PRELID2: variants seen among roughly 807,000 people sequenced by gnomAD.
PRELID2 encodes the protein PRELI domain containing 2.
In PRELID2, 25 loss-of-function variants were observed where a neutral mutation model predicts 28.4. The observed-to-expected ratio is 0.88, with a 90% CI of 0.64 to 1.23. The LOEUF is 1.23. Ranked by LOEUF, PRELID2 falls within the 50% of genes most tolerant of loss-of-function variation. PRELID2 has a pLI of 0.00. For synonymous variants in PRELID2, 76 were observed against 71.6 expected (o/e 1.06, Z -0.31); for missense variants, 201 against 214.4 (o/e 0.94, Z 0.39).
the PRELID2 span, among the ~76,000 whole-genome samples, chr5:145,284,403 C>T: frequency 2.0e-5 from 3 of 151,978 alleles, no homozygotes; most frequent in East Asian, 1.9e-4. Flanking sequence ...GATTTTTTGC[C>T]GTGACTCTTT....
the PRELID2 span, among the ~76,000 whole-genome samples, chr5:145,290,473 C>T: frequency 1.3e-5 from 2 of 151,894 alleles, no homozygotes; most frequent in Admixed American, 1.3e-4. Context: ...AGCTGGAAAC[C>T]ATTATTCTGA....
At position 145,559,848 on chromosome 5, in the gene PRELID2, AAAAG is replaced by A. The variant is rs746662151; in HGVS notation, n.71-86537_71-86534del. On this transcript the variant is annotated intron_variant and non_coding_transcript_variant, in intron 1 of 2. Transcript: ENST00000510259. ...TGGTAAAAAGAGGTAAAAAAAAAAA[AAAAG>A]AAGAAGAAGAAGAAGAAAAAGAATA... 3.5e-3 allele frequency among the ~76,000 whole-genome samples: 534 copies of A among 150,562 alleles called. 4 individuals carry two copies. The highest frequency in any genetic ancestry group is 0.012 in the African/African-American group (473 of 40,066).
At chr5:145,229,944 G>C in the PRELID2 span, 1 of 747,748 alleles carries the variant, frequency 1.3e-6, no homozygotes, top group Non-Finnish European at 2.5e-6. Context: ...GCTGATGAGC[G>C]TGAACGTGCA....
At chr5:145,445,963 C>G in the PRELID2 span, among the ~76,000 whole-genome samples, 12 of 151,786 alleles carry the variant, frequency 7.9e-5, no homozygotes, top group African/African-American at 2.4e-4. Context: ...ATAGAGGATA[C>G]TAGAAGCTGA....
intron 1 of PRELID2, among the ~76,000 whole-genome samples, chr5:145,701,530 C>T (rs1755406771): frequency 6.6e-6 from 1 of 152,176 alleles, no homozygotes; most frequent in Non-Finnish European, 1.5e-5. Flanking sequence ...TAATGACTAT[C>T]GACCAACAAA....
chr5:145,659,627 CCT>C (rs949053263), intron 1 of PRELID2, among the ~76,000 whole-genome samples: 8 of 152,174 alleles, frequency 5.3e-5, no homozygotes, highest in East Asian at 1.9e-4. Context: ...GCATGCCTTC[CCT>C]GTTTCCTTCT....
At chr5:145,642,313 C>T (rs745636954) in intron 1 of PRELID2, among the ~76,000 whole-genome samples, 2 of 152,096 alleles carry the variant, frequency 1.3e-5, no homozygotes, top group Non-Finnish European at 2.9e-5. Context: ...TAAATATCTT[C>T]TTTAGAGAAG....
At chr5:145,378,974 A>T in the PRELID2 span, among the ~76,000 whole-genome samples, 1 of 151,734 alleles carries the variant, frequency 6.6e-6, no homozygotes, top group Non-Finnish European at 1.5e-5. Flanking sequence ...TTTTTTTTCT[A>T]TTAGATGAAG....
rs139907916 is a variant in PRELID2 at position 145,833,030 on chromosome 5, C to T, written c.75+2147G>A. 7.4e-4 allele frequency among the ~76,000 whole-genome samples: 112 copies of T among 152,206 alleles called. 1 individual carries two copies. The East Asian group carries it at 9.9e-3, about 13-fold the overall frequency. ...TTTATGTTAATCTCCCCACTACACACCATCAGTTCCATGAGAACAGGGTCT... is the reference window on the plus strand; with the variant it reads ...TTTATGTTAATCTCCCCACTACACATCATCAGTTCCATGAGAACAGGGTCT... On this transcript the variant is annotated intron_variant, in intron 1 of 6. Transcript: ENST00000683046.
Position 145,751,312 on chromosome 5 carries a change from A to C in PRELID2, n.70+13619T>G, listed in dbSNP as rs1473286334. Among the ~76,000 whole-genome samples the C allele has an allele frequency of 2.6e-5, 4 of 152,198 alleles. No individual in the cohort carries two copies. In the South Asian group the frequency reaches 8.3e-4, roughly 32 times the overall value. On this transcript the variant is annotated intron_variant and non_coding_transcript_variant, in intron 1 of 2. Transcript: ENST00000510259. Reference sequence around the variant, plus strand: ...AGAACATAGGCTGATTCTGCAGAACATGGAAATTTCAGGAGTTCCAGTGAT... The same window carrying C: ...AGAACATAGGCTGATTCTGCAGAACCTGGAAATTTCAGGAGTTCCAGTGAT...
chr5:145,587,274 G>C (rs1753166695), intron 1 of PRELID2, among the ~76,000 whole-genome samples: 1 of 152,168 alleles, frequency 6.6e-6, no homozygotes, highest in African/African-American at 2.4e-5. Context: ...TATTTGGTGT[G>C]TGATATTTCT....
At chr5:145,671,655 A>G (rs138731562) in intron 1 of PRELID2, among the ~76,000 whole-genome samples, 184 of 152,302 alleles carry the variant, frequency 1.2e-3, no homozygotes, top group African/African-American at 4.3e-3. Flanking sequence ...CACAGCAGAC[A>G]TCATTAATCA....
rs578108243 is a variant in PRELID2, at chr5:145,710,007, CT to C, written n.70+54923del. Among the ~76,000 whole-genome samples, 25 of 152,096 alleles carry C rather than the reference CT, an allele frequency of 1.6e-4. No individual in the cohort carries two copies. In the East Asian group the frequency reaches 4.8e-3, roughly 29 times the overall value. On this transcript the variant is annotated intron_variant and non_coding_transcript_variant, in intron 1 of 2. Coordinates refer to the PRELID2 transcript ENST00000510259. Reference sequence around the variant, plus strand: ...TCTATTTATGGGGTTTTTTAAATTGCTTTTTTGGGGAAAGGGTCAAATTTCT... The same window carrying C: ...TCTATTTATGGGGTTTTTTAAATTGCTTTTTGGGGAAAGGGTCAAATTTCT...
chr5:145,796,578 TG>T, intron 4 of PRELID2, 31 bp from the exon 5 acceptor site: 1 of 1,387,004 alleles, frequency 7.2e-7, no homozygotes, highest in South Asian at 1.2e-5. Context: ...ACATCTTTGA[TG>T]TCATTCTATG....
chr5:145,412,738 A>C, the PRELID2 span, among the ~76,000 whole-genome samples: 4 of 152,168 alleles, frequency 2.6e-5, no homozygotes, highest in Non-Finnish European at 5.9e-5. Flanking sequence ...TTTGTCCTCA[A>C]ACTGCTATGA....
intron 1 of PRELID2, among the ~76,000 whole-genome samples, chr5:145,475,279 T>C (rs2126609885): frequency 6.6e-6 from 1 of 152,324 alleles, no homozygotes; most frequent in Admixed American, 6.5e-5. Flanking sequence ...AAATAGAAAC[T>C]CTTCCCAGTT....
At chr5:145,371,482 C>T in the PRELID2 span, among the ~76,000 whole-genome samples, 1 of 151,846 alleles carries the variant, frequency 6.6e-6, no homozygotes, top group Admixed American at 6.6e-5. Context: ...TGGTGGATTA[C>T]ATTTTTGATG....
downstream of PRELID2, among the ~76,000 whole-genome samples, chr5:145,755,701 A>C (rs1003599643): frequency 6.6e-6 from 1 of 151,994 alleles, no homozygotes; most frequent in Admixed American, 6.6e-5. Context: ...TGAACTTTTT[A>C]AAGCTCCCTC....
At chr5:145,557,136 G>A (rs1423322240) in intron 1 of PRELID2, among the ~76,000 whole-genome samples, 1 of 152,180 alleles carries the variant, frequency 6.6e-6, no homozygotes, top group South Asian at 2.1e-4. Flanking sequence ...TACATAGTGA[G>A]TTCTCTGAAA....
Sources: allele counts gnomAD v4.1 joint callset (sites outside exome capture counted in the v4.1 genomes callset), GRCh38; gene constraint gnomAD v4.1.1; transcripts MANE v1.5; gene names NCBI Gene and HGNC (gene_info 2026-07-23, HGNC 2026-07-21).